The following TMEM178A variants were observed in gnomAD, a reference collection of about 807,000 sequenced individuals.
TMEM178A encodes transmembrane protein 178.
TMEM178A carries 12 observed loss-of-function variants against 29.1 expected under a neutral mutation model. The observed-to-expected ratio is 0.41, with a 90% CI of 0.26 to 0.67. TMEM178A has a LOEUF of 0.67. Ranked by LOEUF, TMEM178A falls within the 30% of genes least tolerant of loss-of-function variation. The pLI is 0.29. For synonymous variants in TMEM178A, 210 were observed against 187.2 expected, an observed-to-expected ratio of 1.12 and a Z score of -0.99; for missense variants, 366 against 419.1, an observed-to-expected ratio of 0.87 and a Z score of 1.11.
chr2:39,709,596 T>C (rs1407398600), intron 3 of TMEM178A, among the ~76,000 whole-genome samples: 5 of 152,220 alleles, frequency 3.3e-5, no homozygotes, highest in Non-Finnish European at 7.3e-5. Flanking sequence ...AGGACTGCAC[T>C]GCACAGAGGA....
chr2:39,709,270 C>G (rs1251636921), intron 3 of TMEM178A, among the ~76,000 whole-genome samples: 1 of 152,212 alleles, frequency 6.6e-6, no homozygotes. Flanking sequence ...TCCCACTCAC[C>G]CCTATCCCAC....
chr2:39,699,168 GAC>G (rs1309858228), intron 1 of TMEM178A, among the ~76,000 whole-genome samples: 2 of 151,860 alleles, frequency 1.3e-5, no homozygotes, highest in African/African-American at 4.8e-5. Context: ...TGGGATTACA[GAC>G]ATGTGCCACC....
chr2:39,673,048 C>T (rs1180923912), intron 1 of TMEM178A, among the ~76,000 whole-genome samples: 1 of 152,172 alleles, frequency 6.6e-6, no homozygotes, highest in Non-Finnish European at 1.5e-5. Flanking sequence ...GTGCTGTGTG[C>T]TCCAGATAAT....
At chr2:39,712,671 C>T (rs943228015) in intron 3 of TMEM178A, among the ~76,000 whole-genome samples, 1 of 152,086 alleles carries the variant, frequency 6.6e-6, no homozygotes, top group African/African-American at 2.4e-5. Flanking sequence ...ACCTCTCTCT[C>T]TCTCTCTCTC....
intron 1 of TMEM178A, among the ~76,000 whole-genome samples, chr2:39,701,511 T>C (rs1671781331): frequency 6.6e-6 from 1 of 152,160 alleles, no homozygotes; most frequent in South Asian, 2.1e-4. Flanking sequence ...TTGATTATGA[T>C]ATATCTGGGT....
At chr2:39,669,394 T>C (rs1670316516) in intron 1 of TMEM178A, among the ~76,000 whole-genome samples, 1 of 152,200 alleles carries the variant, frequency 6.6e-6, no homozygotes, top group Admixed American at 6.5e-5. Flanking sequence ...GATAGAAACA[T>C]GCAATGTGGG....
downstream of TMEM178A, among the ~76,000 whole-genome samples, chr2:39,721,408 G>C (rs994744649): frequency 6.6e-6 from 1 of 152,150 alleles, no homozygotes; most frequent in Non-Finnish European, 1.5e-5. Flanking sequence ...CATTTTTTCT[G>C]TTTTTATTTC....
Position 39,717,601 on chromosome 2 carries a change from G to A in TMEM178A, c.*350G>A. On this transcript the variant is annotated 3_prime_UTR_variant, in exon 4 of 4. Coordinates refer to ENST00000281961, the MANE Select transcript of TMEM178A (RefSeq NM_152390.3). ...AATTACCCGAGAGTCATTTCTACTT[G>A]CAAAAGGATTCGTAACAAAGCGAGT... The A allele has an allele frequency of 5.3e-6, 1 of 187,044 alleles. No homozygotes were observed. The highest frequency in any genetic ancestry group is 1.5e-4 in the South Asian group (1 of 6,678). 11.6% of individuals were successfully genotyped at this position (187,044 alleles called of 1,614,324 possible). A position where few individuals can be genotyped will look rare whatever the true frequency, so the allele number is the denominator to read the frequency against.
At chr2:39,723,010 T>A in the TMEM178A span, among the ~76,000 whole-genome samples, 3 of 152,130 alleles carry the variant, frequency 2.0e-5, no homozygotes, top group African/African-American at 7.2e-5. Context: ...ATAGCAAGGG[T>A]GCACGGAGGC....
chr2:39,732,358 C>G, the TMEM178A span, among the ~76,000 whole-genome samples: 2 of 152,154 alleles, frequency 1.3e-5, no homozygotes, highest in Admixed American at 6.5e-5. Flanking sequence ...TGGCAGGAAG[C>G]ACACTGAGAG....
the TMEM178A span, among the ~76,000 whole-genome samples, chr2:39,724,437 T>C: frequency 6.6e-6 from 1 of 152,196 alleles, no homozygotes; most frequent in Non-Finnish European, 1.5e-5. Flanking sequence ...AAAATCACTT[T>C]GAACACCTCT....
chr2:39,703,201 G>A (rs900785101), intron 1 of TMEM178A, among the ~76,000 whole-genome samples: 2 of 152,136 alleles, frequency 1.3e-5, no homozygotes, highest in African/African-American at 2.4e-5. Context: ...TAATCAGATT[G>A]CATTTATCCA....
At chr2:39,724,708 T>C in the TMEM178A span, among the ~76,000 whole-genome samples, 3 of 152,120 alleles carry the variant, frequency 2.0e-5, no homozygotes, top group African/African-American at 7.2e-5. Context: ...CGGAGGCATA[T>C]GGAAACTATA....
At chr2:39,733,662 T>C in the TMEM178A span, among the ~76,000 whole-genome samples, 15 of 152,308 alleles carry the variant, frequency 9.8e-5, no homozygotes, top group Middle Eastern at 3.4e-3. Flanking sequence ...TTCACTAAGA[T>C]TGGTGTTTCT....
chr2:39,731,397 T>C, the TMEM178A span, among the ~76,000 whole-genome samples: 1 of 152,200 alleles, frequency 6.6e-6, no homozygotes, highest in Non-Finnish European at 1.5e-5. Context: ...TAGTGCCACA[T>C]CTGGTCAGTT....
At chr2:39,667,780 T>C (rs1558439156) in intron 1 of TMEM178A, among the ~76,000 whole-genome samples, 1 of 152,228 alleles carries the variant, frequency 6.6e-6, no homozygotes, top group Admixed American at 6.5e-5. Context: ...GTAAAATCTT[T>C]TGGGAAGTGC....
chr2:39,700,697 A>C (rs1417819232), intron 1 of TMEM178A, among the ~76,000 whole-genome samples: 1 of 151,206 alleles, frequency 6.6e-6, no homozygotes, highest in Non-Finnish European at 1.5e-5. Flanking sequence ...TATAGATGCC[A>C]TTTTTCTATT....
chr2:39,700,684 A>G (rs888426968), intron 1 of TMEM178A, among the ~76,000 whole-genome samples: 3 of 151,928 alleles, frequency 2.0e-5, no homozygotes, highest in South Asian at 4.2e-4. Context: ...GTAGGGTAGG[A>G]TTTATAGATG....
chr2:39,705,667 G>A (rs13401182), intron 2 of TMEM178A, among the ~76,000 whole-genome samples: 60,499 of 152,104 alleles, frequency 0.4, 13,137 homozygotes, highest in East Asian at 0.75. Flanking sequence ...TCTCTCTGTG[G>A]CTAAGGTGCT....
Sources: gnomAD v4.1 joint callset for allele counts (sites outside exome capture counted in the v4.1 genomes callset) on GRCh38, gnomAD v4.1.1 for gene constraint, MANE v1.5 for transcripts, NCBI Gene and HGNC (gene_info 2026-07-23, HGNC 2026-07-21) for gene names.